ABI2: variants seen among roughly 807,000 people sequenced by gnomAD.
The protein encoded by ABI2 is abelson interactor 2.
ABI2 carries 25 observed loss-of-function variants against 59.2 expected under a neutral mutation model. That is an observed-to-expected ratio of 0.42 (90% CI 0.31 to 0.59). ABI2 has a LOEUF of 0.59. Ranked by LOEUF, ABI2 falls within the 20% of genes least tolerant of loss-of-function variation. The pLI, the probability that ABI2 is intolerant of heterozygous loss-of-function variation, is 0.14. For missense variants in ABI2, 545 were observed against 681.8 expected, an observed-to-expected ratio of 0.80 and a Z score of 2.23; for synonymous variants, 213 against 235.5, an observed-to-expected ratio of 0.90 and a Z score of 0.87.
In ABI2 at chr2:203,335,754, GT is replaced by G. The variant is rs1416938497; in HGVS notation, c.117+7124del. ...ATACTTTGTAGAAAATTTGGATGAGGTAACAGCTTTGTTTTGAATCATTTAC... is the reference window on the plus strand; with the variant it reads ...ATACTTTGTAGAAAATTTGGATGAGGAACAGCTTTGTTTTGAATCATTTAC... On this transcript the variant is annotated intron_variant, in intron 1 of 11. Coordinates refer to ENST00000261018, the MANE Select transcript of ABI2 (RefSeq NM_001375670.1). Among the ~76,000 whole-genome samples, 6 of 152,206 alleles carry G rather than the reference GT, an allele frequency of 3.9e-5. No homozygotes were observed. The East Asian group carries it at 1.2e-3, about 29-fold the overall frequency.
At chr2:203,423,674 G>C (rs1043861421) in intron 11 of ABI2, among the ~76,000 whole-genome samples, 2 of 152,140 alleles carry the variant, frequency 1.3e-5, no homozygotes, top group Non-Finnish European at 2.9e-5. Context: ...GCCCACCTTG[G>C]CCTTCCAAAG....
intron 2 of ABI2, among the ~76,000 whole-genome samples, chr2:203,378,090 TTTTTTC>T (rs1257286612): frequency 6.6e-6 from 1 of 152,028 alleles, no homozygotes; most frequent in Admixed American, 6.6e-5. Context: ...AGAGATTATT[TTTTTTC>T]TTTTTCTTTT....
intron 1 of ABI2, among the ~76,000 whole-genome samples, chr2:203,359,961 T>C (rs548893647): frequency 6.6e-6 from 1 of 151,386 alleles, no homozygotes; most frequent in Non-Finnish European, 1.5e-5. Flanking sequence ...CTGAGGCGGG[T>C]GGATCATGAG....
chr2:203,398,726 A>G (rs962208109), intron 8 of ABI2, among the ~76,000 whole-genome samples: 1 of 152,054 alleles, frequency 6.6e-6, no homozygotes, highest in African/African-American at 2.4e-5. Context: ...TTCCACTCCC[A>G]GCTCCTGGTA....
At chr2:203,410,586 T>C (rs2097626262) in intron 9 of ABI2, among the ~76,000 whole-genome samples, 1 of 152,330 alleles carries the variant, frequency 6.6e-6, no homozygotes, top group Non-Finnish European at 1.5e-5. Flanking sequence ...GCCTGCACTT[T>C]TCTATACCAT....
intron 1 of ABI2, among the ~76,000 whole-genome samples, chr2:203,366,498 A>G (rs1456639159): frequency 6.6e-6 from 1 of 152,218 alleles, no homozygotes. Flanking sequence ...ATTAGAGTGA[A>G]AGGAAAAGAG....
At chr2:203,420,593 C>T (rs952209725) in intron 11 of ABI2, among the ~76,000 whole-genome samples, 3 of 152,050 alleles carry the variant, frequency 2.0e-5, no homozygotes, top group Non-Finnish European at 2.9e-5. Flanking sequence ...CAGGGTTTCA[C>T]CATGTTAGCC....
intron 1 of ABI2, among the ~76,000 whole-genome samples, chr2:203,362,919 C>T (rs934644143): frequency 6.6e-6 from 1 of 152,136 alleles, no homozygotes; most frequent in African/African-American, 2.4e-5. Context: ...GCAGCCTCAC[C>T]TCCTGAGTTC....
intron 9 of ABI2, among the ~76,000 whole-genome samples, chr2:203,406,600 C>CT (rs1277376835): frequency 1.3e-5 from 2 of 152,226 alleles, no homozygotes; most frequent in Non-Finnish European, 2.9e-5. Context: ...CCATAAATGT[C>CT]TAAAACGTCT....
intron 1 of ABI2, among the ~76,000 whole-genome samples, chr2:203,347,344 T>G (rs752452908): frequency 2.6e-5 from 4 of 152,244 alleles, no homozygotes; most frequent in Admixed American, 6.5e-5. Context: ...CACTCATCTT[T>G]TGTGTGAAAT....
chr2:203,349,752 G>A (rs889205853), intron 1 of ABI2, among the ~76,000 whole-genome samples: 1 of 151,194 alleles, frequency 6.6e-6, no homozygotes, highest in African/African-American at 2.4e-5. Context: ...TCTAGTACAT[G>A]GATAATACCA....
rs148766477 is a variant in ABI2 at position 203,338,908 on chromosome 2, CTGTG to C, written c.117+10295_117+10298del. Among the ~76,000 whole-genome samples the C allele has an allele frequency of 8.6e-4, 55 of 64,026 alleles. 1 individual carries two copies. Among genetic ancestry groups the C allele is most frequent in the African/African-American group, 2.8e-3 (37 of 13,266 alleles). The allele number at this position is 64,026 out of a possible 152,430, so 42.0% of individuals were successfully genotyped here. On this transcript the variant is annotated intron_variant, in intron 1 of 11. Transcript: ENST00000261018. ...CATCTATCTGATAAGGGGTTTATAT[CTGTG>C]TGTGTGTGTGTGTGTGTATATGTAT... is the stretch of plus-strand genomic sequence containing the variant.
chr2:203,395,842 T>A, intron 7 of ABI2, 62 bp downstream of exon 7: 1 of 1,479,826 alleles, frequency 6.8e-7, no homozygotes. Context: ...AATTTGTGAT[T>A]TAATTATGGT....
At chr2:203,338,959 TATAAATATATATATATATATATAA>T (rs61021024) in intron 1 of ABI2, among the ~76,000 whole-genome samples, 1,705 of 9,562 alleles carry the variant, frequency 0.18, 158 homozygotes, top group Non-Finnish European at 0.21. Flanking sequence ...TATATATATA[TATAAATATATATATATATATATAA>T]ATATATATAT....
chr2:203,329,958 AACTCCTG>A (rs1197049374), intron 1 of ABI2, among the ~76,000 whole-genome samples: 2 of 152,034 alleles, frequency 1.3e-5, no homozygotes, highest in African/African-American at 4.8e-5. Flanking sequence ...ACTGGTCTCG[AACTCCTG>A]ACTTCAAGTC....
chr2:203,425,799 A>C (rs1292953515), intron 11 of ABI2, among the ~76,000 whole-genome samples: 1 of 152,150 alleles, frequency 6.6e-6, no homozygotes. Context: ...AGGCAAGTGG[A>C]TCACCTGAGG....
At chr2:203,369,915 T>C (rs1369085372) in intron 2 of ABI2, among the ~76,000 whole-genome samples, 1 of 136 alleles carries the variant, frequency 7.4e-3, no homozygotes, top group East Asian at 0.5. Context: ...GGATTGAAAT[T>C]TTTTTTTTTT....
At chr2:203,401,687 GATTTTA>G (rs1203421465) in intron 8 of ABI2, among the ~76,000 whole-genome samples, 2 of 151,878 alleles carry the variant, frequency 1.3e-5, no homozygotes, top group Non-Finnish European at 2.9e-5. Flanking sequence ...AAATTTTTTA[GATTTTA>G]ATTTTAAGAC....
Position 203,430,011 on chromosome 2 carries a change from G to A in ABI2, c.*2659G>A, listed in dbSNP as rs2153625501. ...GTGTGTGATCTTTGTTTTACAAACA[G>A]TACCTTTTGGGTTTTCTGCATATTT... On this transcript the variant is annotated 3_prime_UTR_variant, in exon 12 of 12. Coordinates refer to ENST00000261018, the MANE Select transcript of ABI2 (RefSeq NM_001375670.1). 1 of 152,180 alleles carries A rather than the reference G, an allele frequency of 6.6e-6. No homozygotes were observed. The highest frequency in any genetic ancestry group is 2.4e-5 in the African/African-American group (1 of 41,492). The allele number at this position is 152,180 out of a possible 1,614,324, so 9.4% of individuals were successfully genotyped here.
Sources: gnomAD v4.1 joint callset for allele counts (sites outside exome capture counted in the v4.1 genomes callset) on GRCh38, gnomAD v4.1.1 for gene constraint, MANE v1.5 for transcripts, NCBI Gene and HGNC (gene_info 2026-07-23, HGNC 2026-07-21) for gene names.